The following NF1 variants were observed in gnomAD, a reference collection of about 807,000 sequenced individuals.
The protein encoded by NF1 is neurofibromin 1, also known as neurofibromin.
A neutral mutation model predicts 325.7 loss-of-function variants in NF1; 122 were observed. The observed-to-expected ratio is 0.37, with a 90% CI of 0.32 to 0.44. NF1 has a LOEUF of 0.44. Ranked by LOEUF, NF1 falls within the 20% of genes least tolerant of loss-of-function variation. NF1 has a pLI of 1.00. For synonymous variants in NF1, 1,091 were observed against 1,186.0 expected (o/e 0.92, Z 1.65); for missense variants, 2,140 against 3,415.4 (o/e 0.63, Z 9.31).
chr17:31,131,270 T>C (rs1340122734), intron 1 of NF1, among the ~76,000 whole-genome samples: 1 of 152,212 alleles, frequency 6.6e-6, no homozygotes, highest in Non-Finnish European at 1.5e-5. Context: ...CCCTGCCAGC[T>C]CAAGTGTCCT....
rs2069745818 is a variant in NF1 at position 31,338,799 on chromosome 17, T to C, written c.6915T>C (p.Leu2305=). The C allele has an allele frequency of 1.3e-6, 2 of 1,594,950 alleles. No homozygotes were observed. Among genetic ancestry groups the C allele is most frequent in the African/African-American group, 2.7e-5 (2 of 74,568 alleles). ...VIALTKLQPL[L]NKDSPLHKAL... The stretch of plus-strand genomic sequence containing the variant: ...CACTAACCAAATTACAGCCACTTCT[T>C]AATAAGGTAATTACTGTATAGAAAA... Residue 2305 remains leucine (L), a synonymous_variant, in exon 46 of 58, where the codon CTT becomes CTC. Coordinates refer to ENST00000358273, the MANE Select transcript of NF1 (RefSeq NM_001042492.3).
intron 29 of NF1, among the ~76,000 whole-genome samples, chr17:31,247,335 A>G (rs1161475622): frequency 1.3e-5 from 2 of 152,206 alleles, no homozygotes; most frequent in African/African-American, 4.8e-5. Context: ...ATGATAAGAC[A>G]TAAGAGTACG....
chr17:31,334,737 G>A, intron 39 of NF1, 101 bp from the exon 40 acceptor site: 2 of 931,342 alleles, frequency 2.1e-6, no homozygotes, highest in Non-Finnish European at 3.5e-6. Flanking sequence ...CTAGGTAATA[G>A]TCTTTACCTT....
In NF1 at chr17:31,356,562, C is replaced by A. The variant is rs2070275358; in HGVS notation, c.7718C>A (p.Ala2573Glu). ...ACACCCCCCAAAATGAGGAGAGTAG[C>A]AGAAACTGATTATGAAATGGGTGAG... ...ITTPPKMRRV[A>E]ETDYEMETQR... The change falls in exon 52 of 58, where the codon GCA becomes GAA. Residue 2573 changes from alanine (A) to glutamate (E), a missense_variant. Ala to Glu is a moderately radical substitution (Grantham distance 107). Around this residue, in one of 10 missense-constraint regions of NF1, gnomAD observed 522 missense variants for 749.0 expected, o/e 0.70. Transcript: ENST00000358273. 6.2e-7 allele frequency: 1 copy of A among 1,613,644 alleles called. No homozygotes were observed. The highest frequency in any genetic ancestry group is 8.5e-7 in the Non-Finnish European group (1 of 1,179,722).
rs752937870 is a variant in NF1, at chr17:31,233,192, T to C, written c.3687T>C (p.Asn1229=). The C allele has an allele frequency of 6.2e-7, 1 of 1,614,182 alleles. No individual in the cohort carries two copies. The highest frequency in any genetic ancestry group is 8.5e-7 in the Non-Finnish European group (1 of 1,180,024). The change falls in exon 27 of 58, where the codon AAT becomes AAC. Residue 1229 remains asparagine (N), a synonymous_variant. Transcript: ENST00000358273. ...TCCCTATAGCGATGGCTCTGGCCAA[T>C]GTGGTTCCTTGTTCTCAGTGGGTAA... The part of the protein sequence containing the change: ...GELPIAMALA[N]VVPCSQWDEL...
At chr17:31,168,311 A>T (rs2065877417) in intron 4 of NF1, among the ~76,000 whole-genome samples, 1 of 152,152 alleles carries the variant, frequency 6.6e-6, no homozygotes, top group Admixed American at 6.5e-5. Context: ...ATTTCAGTAT[A>T]TATCTCTAAT....
rs972904456 is a variant in NF1, at chr17:31,206,147, A to G, written c.1261-93A>G. The G allele has an allele frequency of 1.6e-5, 23 of 1,464,586 alleles. No individual in the cohort carries two copies. The Admixed American group carries it at 2.2e-4, about 14-fold the overall frequency. The allele number at this position is 1,464,586 out of a possible 1,614,324, so 90.7% of individuals were successfully genotyped here. On this transcript the variant is annotated intron_variant, in intron 11 of 57. Transcript: ENST00000358273. ...GCATGGTCTTAGAAAGTTCCCGACA[A>G]AAGGATAAAACTTAAAACTACAGTG...
At chr17:31,282,739 C>T (rs910852903) in intron 36 of NF1, among the ~76,000 whole-genome samples, 1 of 152,078 alleles carries the variant, frequency 6.6e-6, no homozygotes. Context: ...AATATATAAG[C>T]GTTTGTGTGG....
chr17:31,332,334 C>T (rs533323325), intron 39 of NF1, among the ~76,000 whole-genome samples: 1 of 151,758 alleles, frequency 6.6e-6, no homozygotes, highest in South Asian at 2.1e-4. Context: ...CTCGGTGGTA[C>T]ATGCCTGTAG....
At chr17:31,343,416 G>A (rs538211077) in intron 48 of NF1, among the ~76,000 whole-genome samples, 13 of 151,864 alleles carry the variant, frequency 8.6e-5, no homozygotes, top group African/African-American at 2.2e-4. Context: ...ATGGTGGCAC[G>A]TGCTTGTAGT....
intron 55 of NF1, 109 bp from the exon 56 acceptor site, chr17:31,358,860 T>A (rs2070336012): frequency 5.4e-6 from 6 of 1,110,688 alleles, no homozygotes; most frequent in Non-Finnish European, 8.1e-6. Flanking sequence ...AAACATGTTT[T>A]CAACATGTAC....
At chr17:31,287,277 A>G (rs2068247266) in intron 36 of NF1, among the ~76,000 whole-genome samples, 1 of 152,218 alleles carries the variant, frequency 6.6e-6, no homozygotes, top group Admixed American at 6.5e-5. Flanking sequence ...GCACCCACAA[A>G]GTGCTTTAAT....
intron 35 of NF1, among the ~76,000 whole-genome samples, chr17:31,264,184 A>G (rs1174630582): frequency 6.6e-6 from 1 of 152,162 alleles, no homozygotes; most frequent in Non-Finnish European, 1.5e-5. Flanking sequence ...AGATCACCTG[A>G]GGTCAGGAGT....
At chr17:31,186,760 G>A (rs985514905) in intron 8 of NF1, among the ~76,000 whole-genome samples, 4 of 152,128 alleles carry the variant, frequency 2.6e-5, no homozygotes, top group Non-Finnish European at 4.4e-5. Flanking sequence ...CCCTCTCCTC[G>A]CCCAATGGGC....
chr17:31,337,662 G>C, intron 43 of NF1, 80 bp downstream of exon 43: 2 of 1,450,110 alleles, frequency 1.4e-6, no homozygotes, highest in Non-Finnish European at 1.9e-6. Flanking sequence ...AGAAATATTG[G>C]TTTATTGTGC....
chr17:31,140,257 GTA>G (rs1233649163), intron 1 of NF1, among the ~76,000 whole-genome samples: 1 of 152,190 alleles, frequency 6.6e-6, no homozygotes, highest in Non-Finnish European at 1.5e-5. Context: ...ATCTCCGAAA[GTA>G]TGAATAAGGA....
chr17:31,098,152 T>G (rs4239229), intron 1 of NF1, among the ~76,000 whole-genome samples: 96,825 of 148,180 alleles, frequency 0.65, 31,984 homozygotes, highest in Middle Eastern at 0.81. Context: ...ATTTATTATA[T>G]AAGTGATAAA....
At chr17:31,258,640 A>G (rs2067627527) in intron 32 of NF1, 138 bp downstream of exon 32, 1 of 957,602 alleles carries the variant, frequency 1.0e-6, no homozygotes, top group Non-Finnish European at 1.6e-6. Context: ...TTATTTGTTT[A>G]TATTACAAAG....
rs2151555432 is a variant in NF1 at position 31,336,976 on chromosome 17, C to T, written c.6427+62C>T. The T allele has an allele frequency of 3.9e-6, 6 of 1,523,138 alleles. No individual in the cohort carries two copies. Among genetic ancestry groups the T allele is most frequent in the Non-Finnish European group, 5.4e-6 (6 of 1,110,728 alleles). The allele number at this position is 1,523,138 out of a possible 1,614,324, so 94.4% of individuals were successfully genotyped here. On this transcript the variant is annotated intron_variant, in intron 42 of 57. Coordinates refer to ENST00000358273, the MANE Select transcript of NF1 (RefSeq NM_001042492.3). The surrounding 1 kb of genome is among the most constrained non-coding windows in gnomAD (Gnocchi z 5.5). ...CTTTCTCCATTTTACTTCACCTGAT[C>T]AATATAGATTATCTTATTTATGTTT...
Sources: allele counts gnomAD v4.1 joint callset (sites outside exome capture counted in the v4.1 genomes callset), GRCh38; gene constraint gnomAD v4.1.1; regional missense constraint gnomAD v4.1.1; non-coding constraint Gnocchi (gnomAD v3.1); transcripts MANE v1.5; gene names NCBI Gene and HGNC (gene_info 2026-07-23, HGNC 2026-07-21).